DPP10: variants seen among roughly 807,000 people sequenced by gnomAD.
DPP10 encodes inactive dipeptidyl peptidase 10.
In DPP10, 33 loss-of-function variants were observed where a neutral mutation model predicts 120.9. The ratio of observed to expected loss-of-function variants is 0.27; its 90% CI spans 0.21 to 0.37. The LOEUF (loss-of-function observed/expected upper bound fraction) is 0.37. Ranked by LOEUF, DPP10 falls within the 10% of genes least tolerant of loss-of-function variation. DPP10 has a pLI of 1.00. For missense variants in DPP10, 816 were observed against 942.8 expected, an observed-to-expected ratio of 0.87 and a Z score of 1.76; for synonymous variants, 337 against 326.1, an observed-to-expected ratio of 1.03 and a Z score of -0.36.
At chr2:114,793,956 C>G (rs1383448621) in intron 1 of DPP10, among the ~76,000 whole-genome samples, 2 of 152,170 alleles carry the variant, frequency 1.3e-5, no homozygotes, top group African/African-American at 4.8e-5. Context: ...TATTTTCATC[C>G]TAAGGTTGCT....
chr2:115,739,606 C>A lies in DPP10; in HGVS notation c.698-133C>A, dbSNP rs960484726. ...GGGTGACTCAGAATTAGAGAATTTT[C>A]AGGGAAGTTAATAAAATTCAATACA... On this transcript the variant is annotated intron_variant, in intron 8 of 25. Coordinates refer to ENST00000410059, the MANE Select transcript of DPP10 (RefSeq NM_020868.6). 7 of 933,208 alleles carry A rather than the reference C, an allele frequency of 7.5e-6. No individual in the cohort carries two copies. In the African/African-American group the frequency reaches 1.2e-4, roughly 16 times the overall value. 57.8% of individuals were successfully genotyped at this position (933,208 alleles called of 1,614,324 possible). A position where few individuals can be genotyped will look rare whatever the true frequency, so the allele number is the denominator to read the frequency against.
intron 1 of DPP10, among the ~76,000 whole-genome samples, chr2:114,718,669 A>G (rs775955659): frequency 6.6e-6 from 1 of 152,188 alleles, no homozygotes; most frequent in Non-Finnish European, 1.5e-5. Flanking sequence ...GGATTCTTGG[A>G]TGCTATTTAA....
chr2:114,460,181 C>G (rs1288470198), intron 1 of DPP10, among the ~76,000 whole-genome samples: 1 of 75,516 alleles, frequency 1.3e-5, no homozygotes, highest in African/African-American at 3.7e-5. Flanking sequence ...ATCTATCTAT[C>G]TATCTATCTA....
intron 1 of DPP10, among the ~76,000 whole-genome samples, chr2:115,013,769 C>T (rs1294121129): frequency 2.6e-5 from 4 of 151,080 alleles, no homozygotes; most frequent in South Asian, 2.1e-4. Flanking sequence ...CATAATGGAT[C>T]GATGCAAGCA....
intron 5 of DPP10, among the ~76,000 whole-genome samples, chr2:115,649,675 A>C (rs1317177210): frequency 6.6e-6 from 1 of 152,126 alleles, no homozygotes; most frequent in African/African-American, 2.4e-5. Flanking sequence ...TACCAAGTGG[A>C]TTTTAAGTAC....
intron 1 of DPP10, among the ~76,000 whole-genome samples, chr2:114,770,357 AC>A (rs1253141875): frequency 1.3e-5 from 2 of 152,184 alleles, no homozygotes; most frequent in African/African-American, 4.8e-5. Flanking sequence ...GTACTGTGGT[AC>A]TATTAATTTA....
chr2:115,777,492 C>T (rs560445257), intron 14 of DPP10, among the ~76,000 whole-genome samples, 193 bp downstream of exon 14: 19 of 151,670 alleles, frequency 1.3e-4, no homozygotes, highest in South Asian at 4.2e-4. Context: ...TGTGTGCACA[C>T]GCACACACAC....
At chr2:115,718,639 T>C (rs886109890) in intron 7 of DPP10, among the ~76,000 whole-genome samples, 3 of 152,208 alleles carry the variant, frequency 2.0e-5, no homozygotes, top group Non-Finnish European at 4.4e-5. Context: ...GTTTTATTTT[T>C]CCTTATTCTC....
intron 1 of DPP10, among the ~76,000 whole-genome samples, chr2:114,523,542 T>C (rs1489035998): frequency 6.6e-6 from 1 of 152,192 alleles, no homozygotes; most frequent in Non-Finnish European, 1.5e-5. Context: ...TCCTTTATTA[T>C]GGCTTATAAA....
At chr2:115,044,471 G>A (rs914502696) in intron 1 of DPP10, among the ~76,000 whole-genome samples, 8 of 151,842 alleles carry the variant, frequency 5.3e-5, no homozygotes, top group African/African-American at 1.7e-4. Context: ...CCACTAACTC[G>A]TCATTTAACA....
At chr2:114,727,123 G>A (rs777757812) in intron 1 of DPP10, among the ~76,000 whole-genome samples, 2 of 152,140 alleles carry the variant, frequency 1.3e-5, no homozygotes, top group Non-Finnish European at 2.9e-5. Context: ...GATAGCAACA[G>A]CGTGCTGTTG....
chr2:114,656,146 T>G (rs747797896), intron 1 of DPP10, among the ~76,000 whole-genome samples: 1 of 152,176 alleles, frequency 6.6e-6, no homozygotes, highest in African/African-American at 2.4e-5. Flanking sequence ...TTATTCTTGG[T>G]GTTTGAGTCC....
At chr2:115,170,205 A>C (rs934677728) in intron 1 of DPP10, among the ~76,000 whole-genome samples, 5 of 152,132 alleles carry the variant, frequency 3.3e-5, no homozygotes, top group Non-Finnish European at 7.3e-5. Context: ...ATCACATCTC[A>C]CCTCCAGGAA....
chr2:115,295,550 A>G (rs2060847112), intron 1 of DPP10, among the ~76,000 whole-genome samples: 1 of 152,112 alleles, frequency 6.6e-6, no homozygotes, highest in South Asian at 2.1e-4. Context: ...TAAAAGCAGC[A>G]TAGGAATATT....
intron 1 of DPP10, among the ~76,000 whole-genome samples, chr2:115,157,707 A>T (rs1224373639): frequency 6.6e-6 from 1 of 152,184 alleles, no homozygotes; most frequent in Admixed American, 6.5e-5. Context: ...CATAAATCGA[A>T]ACCAAATGAT....
At chr2:114,732,332 A>G (rs1168669906) in intron 1 of DPP10, among the ~76,000 whole-genome samples, 1 of 152,202 alleles carries the variant, frequency 6.6e-6, no homozygotes, top group Non-Finnish European at 1.5e-5. Context: ...ATGCCAGCGC[A>G]TAAGAGGGAG....
rs568922128 is a variant in DPP10 at position 114,757,576 on chromosome 2, T to A, written c.60+314738T>A. ...AGATAGAAGTGCCAGGGAGACTACTTGTATGAGGGCTTCAGCAGCATTTTT... is the reference window on the plus strand; with the variant it reads ...AGATAGAAGTGCCAGGGAGACTACTAGTATGAGGGCTTCAGCAGCATTTTT... On this transcript the variant is annotated intron_variant, in intron 1 of 25. Coordinates refer to ENST00000410059, the MANE Select transcript of DPP10 (RefSeq NM_020868.6). 3.9e-5 allele frequency among the ~76,000 whole-genome samples: 6 copies of A among 152,252 alleles called. No homozygotes were observed. The South Asian group carries it at 1.2e-3, about 32-fold the overall frequency.
At chr2:115,820,304 T>C (rs1277768814) in intron 21 of DPP10, among the ~76,000 whole-genome samples, 1 of 152,198 alleles carries the variant, frequency 6.6e-6, no homozygotes. Flanking sequence ...TGTTTTATCT[T>C]TATCAATTAT....
intron 5 of DPP10, among the ~76,000 whole-genome samples, chr2:115,553,791 T>G (rs1317753960): frequency 2.0e-5 from 3 of 151,920 alleles, no homozygotes; most frequent in Non-Finnish European, 4.4e-5. Flanking sequence ...TATATAGATG[T>G]TTCTTTTGGC....
Sources: allele counts gnomAD v4.1 joint callset (sites outside exome capture counted in the v4.1 genomes callset), GRCh38; gene constraint gnomAD v4.1.1; transcripts MANE v1.5; gene names NCBI Gene and HGNC (gene_info 2026-07-23, HGNC 2026-07-21).